Variants in ANK3 observed in about 807,000 individuals in gnomAD.
The protein encoded by ANK3 is ankyrin-3.
In ANK3, 57 loss-of-function variants were observed where a neutral mutation model predicts 370.9. The ratio of observed to expected loss-of-function variants is 0.15; its 90% confidence interval spans 0.12 to 0.19. ANK3 has a LOEUF of 0.19. ANK3 is among the 10% of genes least tolerant of loss of function. The pLI is 1.00. For missense variants in ANK3, 4,439 were observed against 5,302.1 expected, an observed-to-expected ratio of 0.84 and a Z score of 5.06; for synonymous variants, 1,929 against 1,946.3, an observed-to-expected ratio of 0.99 and a Z score of 0.23.
chr10:60,125,429 A>C (rs1189484532), intron 25 of ANK3, among the ~76,000 whole-genome samples: 1 of 152,206 alleles, frequency 6.6e-6, no homozygotes, highest in Non-Finnish European at 1.5e-5. Context: ...AAAAATCTGT[A>C]ATCTTGCTGA....
At chr10:60,237,518 C>T (rs558187438) in intron 7 of ANK3, among the ~76,000 whole-genome samples, 88 of 152,276 alleles carry the variant, frequency 5.8e-4, no homozygotes, top group African/African-American at 2.0e-3. Flanking sequence ...TTTCTAATTT[C>T]ACTCTCTTCC....
chr10:60,387,185 A>G (rs2062497778), intron 1 of ANK3, among the ~76,000 whole-genome samples: 1 of 152,108 alleles, frequency 6.6e-6, no homozygotes, highest in South Asian at 2.1e-4. Flanking sequence ...CCTATACAAT[A>G]TTTCTGCATA....
intron 23 of ANK3, chr10:60,140,977 G>T (rs2132215680): frequency 1.0e-6 from 1 of 985,534 alleles, no homozygotes; most frequent in East Asian, 1.1e-4. Flanking sequence ...GCGGGGAGTG[G>T]CATGGAGCTC....
intron 2 of ANK3, among the ~76,000 whole-genome samples, chr10:60,464,623 A>G (rs1239820750): frequency 6.6e-6 from 1 of 152,236 alleles, no homozygotes; most frequent in Non-Finnish European, 1.5e-5. Flanking sequence ...TTTCTTTAGC[A>G]TACGAAGATG....
intron 8 of ANK3, among the ~76,000 whole-genome samples, chr10:60,230,808 GAACCCA>G (rs1039465360): frequency 6.6e-6 from 1 of 151,336 alleles, no homozygotes; most frequent in African/African-American, 2.4e-5. Context: ...AGAATGGCTT[GAACCCA>G]GGAGGTGGAG....
chr10:60,602,939 T>C (rs1223384239), intron 2 of ANK3, among the ~76,000 whole-genome samples: 3 of 152,096 alleles, frequency 2.0e-5, no homozygotes, highest in Non-Finnish European at 2.9e-5. Flanking sequence ...TTTCACACAT[T>C]TAAATTTTTC....
intron 2 of ANK3, among the ~76,000 whole-genome samples, chr10:60,464,430 T>C (rs1312073622): frequency 6.6e-6 from 1 of 152,208 alleles, no homozygotes; most frequent in Non-Finnish European, 1.5e-5. Flanking sequence ...TTCCAAGATA[T>C]CTGACATAAT....
chr10:60,384,694 T>C (rs1250698737), intron 1 of ANK3, among the ~76,000 whole-genome samples: 1 of 152,208 alleles, frequency 6.6e-6, no homozygotes, highest in Non-Finnish European at 1.5e-5. Flanking sequence ...GAAGACTAAA[T>C]TAGTCTCCAC....
chr10:60,637,340 G>A (rs554879609), intron 1 of ANK3, among the ~76,000 whole-genome samples: 75 of 152,238 alleles, frequency 4.9e-4, no homozygotes, highest in African/African-American at 1.6e-3. Context: ...GGCAATGGAC[G>A]TTGCATAGCA....
intron 1 of ANK3, among the ~76,000 whole-genome samples, chr10:60,356,065 G>T (rs2057690135): frequency 6.6e-6 from 1 of 152,134 alleles, no homozygotes; most frequent in Non-Finnish European, 1.5e-5. Context: ...ATATGTGCCG[G>T]GCTGCTTATG....
intron 1 of ANK3, among the ~76,000 whole-genome samples, chr10:60,363,970 GTTTTTTTTTTTTT>G (rs113960102): frequency 7.2e-6 from 1 of 138,206 alleles, no homozygotes; most frequent in African/African-American, 2.7e-5. Context: ...AAGGAGAAGT[GTTTTTTTTTTTTT>G]TTTTTTTTTT....
Position 60,071,056 on chromosome 10 carries a change from T to C in ANK3, c.9825A>G (p.Pro3275=), listed in dbSNP as rs1215248022. The change falls in exon 37 of 44, where the codon CCA becomes CCG. Residue 3275 remains proline, a synonymous_variant. Coordinates refer to ENST00000280772, the MANE Select transcript of ANK3 (RefSeq NM_020987.5). ...IESDKKHHYL[P]EKEVDMIEVN... ...CTTCAATCATGTCAACCTCTTTTTC[T>C]GGGAGATAATGATGCTTCTTATCTG... The C allele has an allele frequency of 6.2e-7, 1 of 1,614,070 alleles. No homozygotes were observed. The highest frequency in any genetic ancestry group is 1.3e-5 in the African/African-American group (1 of 74,924).
chr10:60,088,058 A>T, intron 29 of ANK3, 89 bp downstream of exon 29: 1 of 1,010,418 alleles, frequency 9.9e-7, no homozygotes, highest in Non-Finnish European at 1.5e-6. Context: ...CAGTATCATT[A>T]GGATGTTAGA....
At chr10:60,594,678 TTA>T (rs1277331856) in intron 2 of ANK3, among the ~76,000 whole-genome samples, 1 of 152,272 alleles carries the variant, frequency 6.6e-6, no homozygotes, top group East Asian at 1.9e-4. Flanking sequence ...AGCAAATTTT[TTA>T]TGAGTTTTGC....
intron 1 of ANK3, among the ~76,000 whole-genome samples, chr10:60,350,353 C>CG (rs1166752559): frequency 6.6e-6 from 1 of 152,152 alleles, no homozygotes; most frequent in East Asian, 1.9e-4. Flanking sequence ...CTTAAACAAA[C>CG]AGAGGAAAGA....
chr10:60,432,130 T>G (rs1017891756), intron 2 of ANK3, among the ~76,000 whole-genome samples: 1 of 152,204 alleles, frequency 6.6e-6, no homozygotes, highest in African/African-American at 2.4e-5. Context: ...CAGTATCACA[T>G]TAAATAGGCC....
intron 2 of ANK3, among the ~76,000 whole-genome samples, chr10:60,589,934 A>G (rs1227348349): frequency 6.6e-6 from 1 of 152,124 alleles, no homozygotes; most frequent in East Asian, 1.9e-4. Context: ...CTCTCTAATA[A>G]TTGTTTGCTG....
intron 28 of ANK3, among the ~76,000 whole-genome samples, chr10:60,104,557 G>GT (rs2091904738): frequency 2.6e-5 from 4 of 152,078 alleles, no homozygotes; most frequent in Admixed American, 2.0e-4. Context: ...ACCCTTATCA[G>GT]TAAAGTGGAA....
chr10:60,075,682 A>G lies in ANK3; in HGVS notation c.5199T>C (p.Asn1733=). The G allele has an allele frequency of 6.2e-7, 1 of 1,614,084 alleles. No homozygotes were observed. Among genetic ancestry groups the G allele is most frequent in the Non-Finnish European group, 8.5e-7 (1 of 1,179,974 alleles). ...LKYPSSSTLI[N]GCKATATLQE... Reference sequence around the variant, plus strand: ...GTAACGTGGCAGTGGCTTTGCATCCATTAATTAAAGTTGAGGATGATGGAT... The same window carrying G: ...GTAACGTGGCAGTGGCTTTGCATCCGTTAATTAAAGTTGAGGATGATGGAT... Residue 1733 remains asparagine, a synonymous_variant, in exon 37 of 44, where the codon AAT becomes AAC. Coordinates refer to ENST00000280772, the MANE Select transcript of ANK3 (RefSeq NM_020987.5).
Sources: allele counts gnomAD v4.1 joint callset (sites outside exome capture counted in the v4.1 genomes callset), GRCh38; gene constraint gnomAD v4.1.1; transcripts MANE v1.5; gene names NCBI Gene and HGNC (gene_info 2026-07-23, HGNC 2026-07-21).